The following DTHD1 variants were observed in gnomAD, a reference collection of about 807,000 sequenced individuals.
DTHD1 encodes death domain containing 1.
Under a neutral mutation model 74.8 loss-of-function variants are expected in DTHD1, and 59 were observed. The ratio of observed to expected loss-of-function variants is 0.79; its 90% CI spans 0.64 to 0.98. The LOEUF is 0.98. Among genes scored for constraint, DTHD1 ranks in the 50% least tolerant of loss-of-function variants. The probability of loss-of-function intolerance (pLI) is 0.00; values close to 1 mark genes in which losing one functional copy is unlikely to be tolerated. For missense variants in DTHD1, 1,051 were observed against 1,065.4 expected, an observed-to-expected ratio of 0.99 and a Z score of 0.19; for synonymous variants, 365 against 371.1, an observed-to-expected ratio of 0.98 and a Z score of 0.19.
chr4:36,283,765 T>G, intron 1 of DTHD1: 1 of 553,406 alleles, frequency 1.8e-6, no homozygotes, highest in Non-Finnish European at 3.2e-6. Flanking sequence ...TTTGCTACCA[T>G]GTTAAAAATG....
rs146815099 is a variant in DTHD1 at position 36,314,678 on chromosome 4, G to A, written c.2096-1564G>A. Among the ~76,000 whole-genome samples the A allele has an allele frequency of 1.0e-4, 15 of 150,656 alleles. No homozygotes were observed. The East Asian group carries it at 2.7e-3, about 27-fold the overall frequency. Reference sequence around the variant, plus strand: ...GTGTCATTCCAGCCTGGGTGACAGAGTGAGGCTCAGTCTCAAAAAAAAAGA... The same window carrying A: ...GTGTCATTCCAGCCTGGGTGACAGAATGAGGCTCAGTCTCAAAAAAAAAGA... On this transcript the variant is annotated intron_variant, in intron 7 of 9. Transcript: ENST00000639862.
In DTHD1 at chr4:36,347,292, T is replaced by G. The variant is rs1578508015; in HGVS notation, c.*3468T>G. 6.6e-6 allele frequency among the ~76,000 whole-genome samples: 1 copy of G among 152,208 alleles called. No homozygotes were observed. Among genetic ancestry groups the G allele is most frequent in the Admixed American group, 6.5e-5 (1 of 15,282 alleles). ...TATATATTCTTTTATGTTTGACTTT[T>G]TATTCAACTTTATGTTGCTGAAATT... On this transcript the variant is annotated 3_prime_UTR_variant, in exon 10 of 10. Coordinates refer to ENST00000639862, the MANE Select transcript of DTHD1 (RefSeq NM_001170700.3).
At chr4:36,324,663 T>C (rs1758237464) in intron 8 of DTHD1, among the ~76,000 whole-genome samples, 1 of 152,134 alleles carries the variant, frequency 6.6e-6, no homozygotes, top group South Asian at 2.1e-4. Context: ...CTAAAAGTGA[T>C]AATAATAATA....
chr4:36,296,919 C>T (rs570557059), intron 5 of DTHD1, among the ~76,000 whole-genome samples: 5 of 152,006 alleles, frequency 3.3e-5, no homozygotes, highest in South Asian at 2.1e-4. Context: ...TTATAGCCTA[C>T]GGTTGACCAG....
intron 2 of DTHD1, among the ~76,000 whole-genome samples, chr4:36,285,501 A>G (rs562676095): frequency 1.3e-5 from 2 of 152,286 alleles, no homozygotes; most frequent in South Asian, 2.1e-4. Context: ...CTAGGAGACC[A>G]TAACTTCAAA....
At chr4:36,304,362 C>T (rs914817957) in intron 5 of DTHD1, among the ~76,000 whole-genome samples, 24 of 152,090 alleles carry the variant, frequency 1.6e-4, no homozygotes, top group Admixed American at 1.2e-3. Flanking sequence ...TAAAAGTAAA[C>T]GTTATTTTTC....
intron 1 of DTHD1, among the ~76,000 whole-genome samples, chr4:36,282,463 C>G (rs1426000417): frequency 6.6e-6 from 1 of 152,114 alleles, no homozygotes; most frequent in East Asian, 1.9e-4. Context: ...ATATAGTATT[C>G]TATCTCTAGG....
Position 36,335,535 on chromosome 4 carries a change from A to AT in DTHD1, c.2341-3571dup, listed in dbSNP as rs200930987. Among the ~76,000 whole-genome samples the AT allele has an allele frequency of 3.3e-5, 5 of 152,102 alleles. No homozygotes were observed. The East Asian group carries it at 9.6e-4, about 29-fold the overall frequency. ...AGCTATTGCACCCAACCAATAAAAT[A>AT]TTTTTTACCACTTTTTGTGTACAAC... On this transcript the variant is annotated intron_variant, in intron 8 of 9. Transcript: ENST00000639862.
intron 1 of DTHD1, among the ~76,000 whole-genome samples, chr4:36,282,298 C>A (rs1222729269): frequency 6.6e-6 from 1 of 152,072 alleles, no homozygotes; most frequent in Non-Finnish European, 1.5e-5. Context: ...GAGAAGTTTG[C>A]TAGAAAAATG....
chr4:36,312,469 T>C (rs1357809381), intron 7 of DTHD1, among the ~76,000 whole-genome samples: 2 of 151,926 alleles, frequency 1.3e-5, no homozygotes, highest in Admixed American at 6.6e-5. Flanking sequence ...CATAGCTTAA[T>C]TTGGGCTGAA....
At chr4:36,297,539 C>T (rs1234339286) in intron 5 of DTHD1, among the ~76,000 whole-genome samples, 3 of 152,012 alleles carry the variant, frequency 2.0e-5, no homozygotes, top group Admixed American at 6.6e-5. Context: ...TTTGTGTGTG[C>T]TTCTTGACTA....
intron 9 of DTHD1, among the ~76,000 whole-genome samples, chr4:36,342,802 G>A (rs148287764): frequency 0.013 from 1,927 of 151,618 alleles, 23 homozygotes; most frequent in South Asian, 0.037. Context: ...TCGGCCAGGC[G>A]TGGTGGCTCA....
intron 7 of DTHD1, among the ~76,000 whole-genome samples, chr4:36,313,072 T>C (rs1417321137): frequency 6.6e-6 from 1 of 152,198 alleles, no homozygotes; most frequent in Non-Finnish European, 1.5e-5. Flanking sequence ...GCTAGCACTT[T>C]CAATTTTTTA....
intron 1 of DTHD1, among the ~76,000 whole-genome samples, chr4:36,282,964 G>A (rs13109301): frequency 7.2e-5 from 11 of 152,110 alleles, no homozygotes; most frequent in Non-Finnish European, 1.5e-4. Context: ...ACCAGAATAG[G>A]AGTTAAAAAT....
chr4:36,340,173 A>G (rs1759238228), intron 9 of DTHD1, among the ~76,000 whole-genome samples: 1 of 152,216 alleles, frequency 6.6e-6, no homozygotes, highest in Non-Finnish European at 1.5e-5. Flanking sequence ...CTGCTGTAGG[A>G]AGGGTGACAG....
intron 3 of DTHD1, among the ~76,000 whole-genome samples, chr4:36,292,621 T>C (rs116055286): frequency 1.3e-5 from 2 of 152,332 alleles, no homozygotes; most frequent in African/African-American, 4.8e-5. Context: ...TGCCCTGAAT[T>C]TTCCCAGAGA....
chr4:36,338,284 T>C (rs1299328542), intron 8 of DTHD1, among the ~76,000 whole-genome samples: 1 of 152,198 alleles, frequency 6.6e-6, no homozygotes, highest in Non-Finnish European at 1.5e-5. Context: ...AATTGTCCCA[T>C]GTATCAATGT....
intron 8 of DTHD1, among the ~76,000 whole-genome samples, chr4:36,317,313 G>A (rs1246465300): frequency 6.6e-6 from 1 of 152,202 alleles, no homozygotes; most frequent in Non-Finnish European, 1.5e-5. Flanking sequence ...ATACAGAGCT[G>A]TAAAGGATAA....
chr4:36,335,382 C>G (rs1230111895), intron 8 of DTHD1, among the ~76,000 whole-genome samples: 5 of 152,076 alleles, frequency 3.3e-5, no homozygotes, highest in African/African-American at 1.2e-4. Context: ...AGCCACTACA[C>G]CTGGCTATTT....
Sources: gnomAD v4.1 joint callset for allele counts (sites outside exome capture counted in the v4.1 genomes callset) on GRCh38, gnomAD v4.1.1 for gene constraint, MANE v1.5 for transcripts, NCBI Gene and HGNC (gene_info 2026-07-23, HGNC 2026-07-21) for gene names.